AP4S1: variants seen among roughly 807,000 people sequenced by gnomAD.
AP4S1 encodes AP-4 complex subunit sigma-1.
In AP4S1, 23 loss-of-function variants were observed where a neutral mutation model predicts 19.8. The ratio of observed to expected loss-of-function variants is 1.16; its 90% CI spans 0.84 to 1.65. The LOEUF is 1.65. Among genes scored for constraint, AP4S1 ranks in the 40% most tolerant of loss-of-function variants. The pLI is 0.00. For missense variants in AP4S1, 166 were observed against 172.8 expected, an observed-to-expected ratio of 0.96 and a Z score of 0.22; for synonymous variants, 46 against 54.1, an observed-to-expected ratio of 0.85 and a Z score of 0.66.
chr14:31,049,428 A>AATATATATAT (rs1182207910), intron 1 of AP4S1, among the ~76,000 whole-genome samples: 31 of 57,722 alleles, frequency 5.4e-4, no homozygotes, highest in Admixed American at 5.5e-4. Flanking sequence ...AAAAAAAAAA[A>AATATATATAT]ATATATATAT....
Position 31,072,965 on chromosome 14 carries a change from A to G in AP4S1, c.286A>G (p.Ser96Gly). Residue 96 changes from serine to glycine, a missense_variant, in exon 4 of 6, where the codon AGC (serine) becomes GGC (glycine). Coordinates refer to ENST00000542754, the MANE Select transcript of AP4S1 (RefSeq NM_001128126.3). Reference protein sequence around the residue: ...NFVEVLDEYFSRVSELDIMFN... With the variant: ...NFVEVLDEYFGRVSELDIMFN... ...TGTGGAAGTTTTAGATGAGTATTTC[A>G]GCCGAGTGGTAAGTCTAATGGCTAA... The G allele has an allele frequency of 1.2e-6, 2 of 1,613,776 alleles. No homozygotes were observed. Among genetic ancestry groups the G allele is most frequent in the Non-Finnish European group, 1.7e-6 (2 of 1,179,652 alleles).
rs1449567834 is a variant in AP4S1, at chr14:31,093,144, G to A, written c.*109G>A. The A allele has an allele frequency of 1.2e-5, 14 of 1,143,832 alleles. No homozygotes were observed. The highest frequency in any genetic ancestry group is 4.8e-6 in the Non-Finnish European group (4 of 830,962). 70.9% of individuals were successfully genotyped at this position (1,143,832 alleles called of 1,614,324 possible). A position where few individuals can be genotyped will look rare whatever the true frequency, so the allele number is the denominator to read the frequency against. ...CTGGAAGACCACAATTACAAAATGG[G>A]GTATCCTTCCAAAGACATTATAAAT... On this transcript the variant is annotated 3_prime_UTR_variant, in exon 6 of 6. Transcript: ENST00000542754.
chr14:31,064,193 G>A (rs1001362063), intron 1 of AP4S1, among the ~76,000 whole-genome samples: 2 of 152,182 alleles, frequency 1.3e-5, no homozygotes, highest in South Asian at 2.1e-4. Flanking sequence ...CATGTGCTTG[G>A]CCTTTGAACC....
chr14:31,030,243 G>A (rs1444547864), intron 1 of AP4S1, among the ~76,000 whole-genome samples: 1 of 152,144 alleles, frequency 6.6e-6, no homozygotes, highest in Non-Finnish European at 1.5e-5. Flanking sequence ...ACAGGTGTGA[G>A]CCACTGCACA....
intron 4 of AP4S1, among the ~76,000 whole-genome samples, chr14:31,077,079 G>A (rs1887399743): frequency 6.6e-6 from 1 of 151,950 alleles, no homozygotes; most frequent in African/African-American, 2.4e-5. Context: ...ACAGGCATGC[G>A]CCACCACGCC....
At chr14:31,064,230 G>T (rs1886595148) in intron 1 of AP4S1, among the ~76,000 whole-genome samples, 1 of 152,164 alleles carries the variant, frequency 6.6e-6, no homozygotes, top group Non-Finnish European at 1.5e-5. Flanking sequence ...ACAAAGTCAT[G>T]CAGTGACTTT....
intron 1 of AP4S1, among the ~76,000 whole-genome samples, chr14:31,036,322 A>G (rs1210585098): frequency 1.3e-5 from 2 of 151,662 alleles, no homozygotes; most frequent in Non-Finnish European, 2.9e-5. Flanking sequence ...GGCTCAAGCA[A>G]TCTTTCCACC....
At chr14:31,078,427 G>A (rs1887478615) in intron 4 of AP4S1, among the ~76,000 whole-genome samples, 1 of 152,132 alleles carries the variant, frequency 6.6e-6, no homozygotes, top group Non-Finnish European at 1.5e-5. Context: ...GGTGTTTACT[G>A]TATTGGACAG....
intron 5 of AP4S1, among the ~76,000 whole-genome samples, chr14:31,082,653 T>C (rs1280883523): frequency 6.6e-6 from 1 of 152,096 alleles, no homozygotes; most frequent in African/African-American, 2.4e-5. Flanking sequence ...TCCCAGCACT[T>C]TGGGAGGCCG....
Position 31,092,979 on chromosome 14 carries a change from A to G in AP4S1, c.379A>G (p.Asn127Asp). 6.5e-7 allele frequency: 1 copy of G among 1,549,188 alleles called. No individual in the cohort carries two copies. Among genetic ancestry groups the G allele is most frequent in the South Asian group, 1.2e-5 (1 of 83,816 alleles). Residue 127 changes from asparagine to aspartate, a missense_variant, in exon 6 of 6, where the codon AAC becomes GAC. Coordinates refer to ENST00000542754, the MANE Select transcript of AP4S1 (RefSeq NM_001128126.3). ...MVLNGCIVET[N>D]RARILAPLLI... Reference sequence around the variant, plus strand: ...GTTAAATGGCTGCATTGTGGAAACTAACAGGGCAAGAATTCTTGCCCCTCT... The same window carrying G: ...GTTAAATGGCTGCATTGTGGAAACTGACAGGGCAAGAATTCTTGCCCCTCT...
chr14:31,091,249 G>A (rs1439951852), intron 5 of AP4S1, among the ~76,000 whole-genome samples: 2 of 152,080 alleles, frequency 1.3e-5, no homozygotes, highest in Non-Finnish European at 2.9e-5. Context: ...TGGAGAAGGC[G>A]ACATTTTCAA....
chr14:31,050,167 C>G (rs2139493314), intron 1 of AP4S1, among the ~76,000 whole-genome samples: 1 of 152,328 alleles, frequency 6.6e-6, no homozygotes, highest in Middle Eastern at 3.4e-3. Context: ...GGTGATCCAC[C>G]TGCCTTGGCC....
chr14:31,085,225 G>A (rs929760052), intron 5 of AP4S1: 7 of 1,063,518 alleles, frequency 6.6e-6, no homozygotes, highest in Non-Finnish European at 8.0e-6. Flanking sequence ...TGGGCCCCTA[G>A]AATTTATAAG....
rs756222302 is a variant in AP4S1 at position 31,025,679 on chromosome 14, G to T, written c.-180G>T. 26 of 679,080 alleles carry T rather than the reference G, an allele frequency of 3.8e-5. No homozygotes were observed. The highest frequency in any genetic ancestry group is 5.7e-5 in the Non-Finnish European group (24 of 421,174). The allele number at this position is 679,080 out of a possible 1,614,324, so 42.1% of individuals were successfully genotyped here. A position where few individuals can be genotyped will look rare whatever the true frequency, so the allele number is the denominator to read the frequency against. On this transcript the variant is annotated 5_prime_UTR_variant, in exon 1 of 6. Coordinates refer to ENST00000542754, the MANE Select transcript of AP4S1 (RefSeq NM_001128126.3). ...AAGCCAAAATGGCTGCCCCGAGGAGGCCCGCACCGCGTAGCCAGTGAAGGT... is the reference window on the plus strand; with the variant it reads ...AAGCCAAAATGGCTGCCCCGAGGAGTCCCGCACCGCGTAGCCAGTGAAGGT...
At chr14:31,059,924 C>CA (rs1000480654) in intron 1 of AP4S1, among the ~76,000 whole-genome samples, 1 of 142,642 alleles carries the variant, frequency 7.0e-6, no homozygotes, top group East Asian at 2.0e-4. Context: ...GCTGGGAGGA[C>CA]AAAAAAATAT....
At chr14:31,030,090 C>T (rs1179888978) in intron 1 of AP4S1, among the ~76,000 whole-genome samples, 1 of 152,016 alleles carries the variant, frequency 6.6e-6, no homozygotes. Context: ...AAGCGATCCT[C>T]CCACCTCAGC....
intron 1 of AP4S1, among the ~76,000 whole-genome samples, chr14:31,038,510 C>T (rs776280956): frequency 2.6e-5 from 4 of 152,084 alleles, no homozygotes; most frequent in East Asian, 1.9e-4. Flanking sequence ...TGGATTTAAA[C>T]GAGCGAATGG....
At chr14:31,035,724 AT>A (rs1160875586) in intron 1 of AP4S1, among the ~76,000 whole-genome samples, 1 of 114,202 alleles carries the variant, frequency 8.8e-6, no homozygotes, top group African/African-American at 3.5e-5. Context: ...TATTTTTTTT[AT>A]TTTTTATTTT....
At chr14:31,055,333 G>A (rs1158205042) in intron 1 of AP4S1, among the ~76,000 whole-genome samples, 1 of 152,070 alleles carries the variant, frequency 6.6e-6, no homozygotes, top group Non-Finnish European at 1.5e-5. Context: ...GGCAGGAAAA[G>A]CTTCACCAGG....
Sources: allele counts gnomAD v4.1 joint callset (sites outside exome capture counted in the v4.1 genomes callset), GRCh38; gene constraint gnomAD v4.1.1; transcripts MANE v1.5; gene names NCBI Gene and HGNC (gene_info 2026-07-23, HGNC 2026-07-21).